Variants in SLC22A7 observed in about 807,000 individuals in gnomAD.
The protein encoded by SLC22A7 is solute carrier family 22 member 7.
SLC22A7 carries 48 observed loss-of-function variants against 62.2 expected under a neutral mutation model. That is an observed-to-expected ratio of 0.77 (90% CI 0.61 to 0.98). The LOEUF (loss-of-function observed/expected upper bound fraction) is 0.98. SLC22A7 is among the 50% of genes least tolerant of loss of function. SLC22A7 has a pLI of 0.00. For synonymous variants in SLC22A7, 276 were observed against 314.8 expected (o/e 0.88, Z 1.30); for missense variants, 581 against 703.8 (o/e 0.83, Z 1.97).
Position 43,299,551 on chromosome 6 carries a change from T to A in SLC22A7, c.503+58T>A, listed in dbSNP as rs1778660783. ...GCTGGGGGAACTTTCTCCCACTAGC[T>A]GGGGTATGAGCCTAGTCTACCTATG... is the stretch of plus-strand genomic sequence containing the variant. On this transcript the variant is annotated intron_variant, in intron 3 of 10. Coordinates refer to ENST00000372585, the MANE Select transcript of SLC22A7 (RefSeq NM_153320.2). This position sits in a 1 kb window ranked among gnomAD's most constrained non-coding sequence, Gnocchi z 4.4. The A allele has an allele frequency of 6.2e-7, 1 of 1,607,390 alleles. No homozygotes were observed. The highest frequency in any genetic ancestry group is 1.3e-5 in the African/African-American group (1 of 74,842).
chr6:43,301,221 A>G lies in SLC22A7; in HGVS notation c.914A>G (p.Asn305Ser), dbSNP rs1272700481. The G allele has an allele frequency of 3.1e-6, 5 of 1,614,088 alleles. No individual in the cohort carries two copies. The highest frequency in any genetic ancestry group is 1.3e-5 in the African/African-American group (1 of 74,932). ...TACTTGCTCCACTGTGCCAGGCTCA[A>G]TGGGCGGCCAGTGTGTGAGGACAGC... Reference protein sequence around the residue: ...HRYLLHCARLNGRPVCEDSFS... With the variant: ...HRYLLHCARLSGRPVCEDSFS... The change falls in exon 6 of 11, where the codon AAT becomes AGT. Residue 305 changes from asparagine to serine, a missense_variant. By Grantham distance (46) the Asn-to-Ser change is conservative. Transcript: ENST00000372585.
rs1200372406 is a variant in SLC22A7, at chr6:43,298,417, A to T, written c.59A>T (p.Asn20Ile). 6.2e-7 allele frequency: 1 copy of T among 1,613,990 alleles called. No individual in the cohort carries two copies. The highest frequency in any genetic ancestry group is 8.5e-7 in the Non-Finnish European group (1 of 1,180,020). Residue 20 changes from asparagine (N) to isoleucine (I), a missense_variant, in exon 1 of 11, where the codon AAT (asparagine) becomes ATT (isoleucine). Transcript: ENST00000372585. ...VGGFGPFQLR[N>I]VALLALPRVL... ...GGCTTTGGGCCCTTCCAACTGCGGA[A>T]TGTGGCACTGCTGGCCCTGCCCCGA...
At chr6:43,301,314 G>GT (rs1170882552) in intron 6 of SLC22A7, 56 bp downstream of exon 6, 1 of 1,605,056 alleles carries the variant, frequency 6.2e-7, no homozygotes, top group Non-Finnish European at 8.5e-7. Context: ...GGAGTGGGCT[G>GT]TGTCAAGTGC....
intron 5 of SLC22A7, 93 bp downstream of exon 5, chr6:43,300,159 G>T: frequency 7.5e-7 from 1 of 1,336,582 alleles, no homozygotes. Flanking sequence ...GAGATTGAGA[G>T]ATGAAGGGAA....
chr6:43,299,214 CAA>C lies in SLC22A7; in HGVS notation c.399+119_399+120del. ...CTGAGGCTGCAGGACTGGGGAGGGA[CAA>C]AGTTTCCTATTCCCCAAGCTGGCGT... On this transcript the variant is annotated intron_variant, in intron 2 of 10. Transcript: ENST00000372585. The surrounding 1 kb of genome is among the most constrained non-coding windows in gnomAD (Gnocchi z 4.4). 2 of 1,613,694 alleles carry C rather than the reference CAA, an allele frequency of 1.2e-6. No individual in the cohort carries two copies. Among genetic ancestry groups the C allele is most frequent in the South Asian group, 1.1e-5 (1 of 91,016 alleles).
Position 43,302,171 on chromosome 6 carries a change from C to A in SLC22A7, c.1062-29C>A. The A allele has an allele frequency of 6.5e-7, 1 of 1,533,450 alleles. No homozygotes were observed. Among genetic ancestry groups the A allele is most frequent in the South Asian group, 1.3e-5 (1 of 79,710 alleles). The allele number at this position is 1,533,450 out of a possible 1,614,324, so 95.0% of individuals were successfully genotyped here. A position where few individuals can be genotyped will look rare whatever the true frequency, so the allele number is the denominator to read the frequency against. On this transcript the variant is annotated intron_variant, in intron 7 of 10. Transcript: ENST00000372585. This position sits in a 1 kb window ranked among gnomAD's most constrained non-coding sequence, Gnocchi z 5.0. ...GCCAAAGAGGGATGGGAAGGAGGGT[C>A]CGCCAAGTGGCACTGAGACTCCTTT... is the stretch of plus-strand genomic sequence containing the variant.
rs1303204008 is a variant in SLC22A7, at chr6:43,301,562, C to T, written c.952-21C>T. 5 of 1,593,488 alleles carry T rather than the reference C, an allele frequency of 3.1e-6. No homozygotes were observed. The African/African-American group carries it at 5.4e-5, about 17-fold the overall frequency. On this transcript the variant is annotated intron_variant, in intron 6 of 10. Transcript: ENST00000372585. Reference sequence around the variant, plus strand: ...CACATAGCCAACTCTGATGTTACAACCTCACCTCCTTCCCTACCAGGCTGT... The same window carrying T: ...CACATAGCCAACTCTGATGTTACAATCTCACCTCCTTCCCTACCAGGCTGT...
At position 43,302,212 on chromosome 6, in the gene SLC22A7, C is replaced by A. The variant is rs192371835; in HGVS notation, c.1074C>A (p.Asn358Lys). 6.3e-7 allele frequency: 1 copy of A among 1,582,440 alleles called. No individual in the cohort carries two copies. Among genetic ancestry groups the A allele is most frequent in the East Asian group, 2.3e-5 (1 of 44,190 alleles). Residue 358 changes from asparagine (N) to lysine (K), a missense_variant, in exon 8 of 11, where the codon AAC (asparagine) becomes AAA (lysine). Transcript: ENST00000372585. The surrounding 1 kb of genome is among the most constrained non-coding windows in gnomAD (Gnocchi z 5.0). ...AGACTCCTTTCAGGTTCGGAGTGAA[C>A]TTCTCCTATTACGGCCTGAGTCTGG... ...LCCVVVWFGV[N>K]FSYYGLSLDV...
At chr6:43,300,145 T>C in intron 5 of SLC22A7, 79 bp downstream of exon 5, 2 of 1,450,736 alleles carry the variant, frequency 1.4e-6, no homozygotes, top group Non-Finnish European at 1.9e-6. Context: ...GATTTGAGGA[T>C]AGAGAGATTG....
chr6:43,300,686 A>G (rs957299261), intron 5 of SLC22A7, among the ~76,000 whole-genome samples: 1 of 152,178 alleles, frequency 6.6e-6, no homozygotes, highest in African/African-American at 2.4e-5. Flanking sequence ...GCTGGAGTAC[A>G]GTGGCACAAT....
chr6:43,299,555 G>C lies in SLC22A7; in HGVS notation c.503+62G>C. 1.2e-6 allele frequency: 2 copies of C among 1,608,904 alleles called. No individual in the cohort carries two copies. The highest frequency in any genetic ancestry group is 1.7e-4 in the Middle Eastern group (1 of 6,040). ...GGGGAACTTTCTCCCACTAGCTGGG[G>C]TATGAGCCTAGTCTACCTATGCCTT... is the stretch of plus-strand genomic sequence containing the variant. On this transcript the variant is annotated intron_variant, in intron 3 of 10. Transcript: ENST00000372585. This position sits in a 1 kb window ranked among gnomAD's most constrained non-coding sequence, Gnocchi z 4.4.
In SLC22A7 at chr6:43,301,591, C is replaced by T. The variant is rs1452574995; in HGVS notation, c.960C>T (p.Ser320=). Reference sequence around the variant, plus strand: ...ACCTCCTTCCCTACCAGGCTGTGAGCAAAGTGGCCGCCGGGGAACGGGTGG... The same window carrying T: ...ACCTCCTTCCCTACCAGGCTGTGAGTAAAGTGGCCGCCGGGGAACGGGTGG... ...CEDSFSQEAV[S]KVAAGERVVR... is the part of the protein sequence containing the mutation. Residue 320 remains serine (S), a synonymous_variant, in exon 7 of 11, where the codon AGC becomes AGT. Coordinates refer to ENST00000372585, the MANE Select transcript of SLC22A7 (RefSeq NM_153320.2). 1 of 1,614,014 alleles carries T rather than the reference C, an allele frequency of 6.2e-7. No individual in the cohort carries two copies. The highest frequency in any genetic ancestry group is 2.2e-5 in the East Asian group (1 of 44,874).
upstream of SLC22A7, among the ~76,000 whole-genome samples, chr6:43,296,754 G>A (rs1309792215): frequency 1.3e-5 from 2 of 152,194 alleles, no homozygotes; most frequent in African/African-American, 4.8e-5. Context: ...GACTGGGGGA[G>A]AGGATCTAGT....
At chr6:43,300,672 T>TGTC (rs998798362) in intron 5 of SLC22A7, among the ~76,000 whole-genome samples, 6 of 152,216 alleles carry the variant, frequency 3.9e-5, no homozygotes, top group Non-Finnish European at 8.8e-5. Context: ...GGTCTTGCTC[T>TGTC]GTCGCTGGAG....
In SLC22A7 at chr6:43,299,242, G is replaced by T; in HGVS notation, c.399+145G>T. 1 of 1,609,502 alleles carries T rather than the reference G, an allele frequency of 6.2e-7. No homozygotes were observed. The highest frequency in any genetic ancestry group is 8.5e-7 in the Non-Finnish European group (1 of 1,177,586). On this transcript the variant is annotated intron_variant, in intron 2 of 10. Coordinates refer to ENST00000372585, the MANE Select transcript of SLC22A7 (RefSeq NM_153320.2). The surrounding 1 kb of genome is among the most constrained non-coding windows in gnomAD (Gnocchi z 4.4). Reference sequence around the variant, plus strand: ...AGTTTCCTATTCCCCAAGCTGGCGTGAATCGTTGGGAGGTTTATTATCTGG... The same window carrying T: ...AGTTTCCTATTCCCCAAGCTGGCGTTAATCGTTGGGAGGTTTATTATCTGG...
intron 9 of SLC22A7, among the ~76,000 whole-genome samples, chr6:43,303,776 G>GTCT (rs1163898504): frequency 6.6e-6 from 1 of 152,206 alleles, no homozygotes; most frequent in Non-Finnish European, 1.5e-5. Context: ...TTATCTCCCA[G>GTCT]TCTGGTGACT....
Position 43,304,118 on chromosome 6 carries a change from T to C in SLC22A7, c.1466T>C (p.Val489Ala), listed in dbSNP as rs1582556679. The C allele has an allele frequency of 1.2e-6, 2 of 1,605,094 alleles. No individual in the cohort carries two copies. Among genetic ancestry groups the C allele is most frequent in the East Asian group, 2.3e-5 (1 of 44,310 alleles). Residue 489 changes from valine to alanine, a missense_variant, in exon 10 of 11, where the codon GTG becomes GCG. Coordinates refer to ENST00000372585, the MANE Select transcript of SLC22A7 (RefSeq NM_153320.2). ...CCACTGGCGGCCTTGCTGGATGGAG[T>C]GTGGCTGTCACTGCCCAAGCTTACT... ...LAPLAALLDGVWLSLPKLTYG... is the reference protein window; with the variant it reads ...LAPLAALLDGAWLSLPKLTYG...
In SLC22A7 at chr6:43,298,741, T is replaced by C; in HGVS notation, c.383T>C (p.Ile128Thr). The C allele has an allele frequency of 6.6e-7, 1 of 1,519,220 alleles. No homozygotes were observed. Among genetic ancestry groups the C allele is most frequent in the Non-Finnish European group, 8.8e-7 (1 of 1,135,114 alleles). The allele number at this position is 1,519,220 out of a possible 1,614,324, so 94.1% of individuals were successfully genotyped here. ...EYDHSEFSST[I>T]ATESQWDLVC... is the part of the protein sequence containing the mutation. Reference sequence around the variant, plus strand: ...GACCACTCAGAATTCTCCTCTACCATTGCAACTGAGGTACTTAAGCCCAGA... The same window carrying C: ...GACCACTCAGAATTCTCCTCTACCACTGCAACTGAGGTACTTAAGCCCAGA... Residue 128 changes from isoleucine (I) to threonine (T), a missense_variant, in exon 1 of 11, where the codon ATT becomes ACT. By Grantham distance (89) the Ile-to-Thr change is moderately conservative. Coordinates refer to ENST00000372585, the MANE Select transcript of SLC22A7 (RefSeq NM_153320.2).
rs750816224 is a variant in SLC22A7, at chr6:43,299,700, G to A, written c.577G>A (p.Val193Ile). The change falls in exon 4 of 11, where the codon GTC becomes ATC. Residue 193 changes from valine to isoleucine, a missense_variant. Transcript: ENST00000372585. The surrounding 1 kb of genome is among the most constrained non-coding windows in gnomAD (Gnocchi z 4.4). ...LVLGLASAAS[V>I]SYVMFAITRT... Reference sequence around the variant, plus strand: ...GCTGGGCCTGGCATCTGCAGCCTCCGTCAGCTATGTAATGTTTGCCATCAC... The same window carrying A: ...GCTGGGCCTGGCATCTGCAGCCTCCATCAGCTATGTAATGTTTGCCATCAC... 1.7e-5 allele frequency: 27 copies of A among 1,614,170 alleles called. No individual in the cohort carries two copies. The highest frequency in any genetic ancestry group is 4.5e-5 in the East Asian group (2 of 44,888).
Sources: gnomAD v4.1 joint callset for allele counts (sites outside exome capture counted in the v4.1 genomes callset) on GRCh38, gnomAD v4.1.1 for gene constraint, Gnocchi (gnomAD v3.1) non-coding constraint, MANE v1.5 for transcripts, NCBI Gene and HGNC (gene_info 2026-07-23, HGNC 2026-07-21) for gene names.